Variants in NT5DC3 observed in about 807,000 individuals in gnomAD.
The protein encoded by NT5DC3 is 5'-nucleotidase domain containing 3.
Under a neutral mutation model 67.8 loss-of-function variants are expected in NT5DC3, and 42 were observed. The observed-to-expected ratio is 0.62, with a 90% CI of 0.48 to 0.80. The LOEUF is 0.80. Ranked by LOEUF, NT5DC3 falls within the 30% of genes least tolerant of loss-of-function variation. NT5DC3 has a pLI of 0.00. For missense variants in NT5DC3, 570 were observed against 696.4 expected (o/e 0.82, Z 2.04); for synonymous variants, 237 against 255.6 (o/e 0.93, Z 0.69).
At chr12:103,765,559 C>T (rs1884881612), downstream of NT5DC3, among the ~76,000 whole-genome samples, 1 of 152,198 alleles carries the variant, frequency 6.6e-6, no homozygotes, top group South Asian at 2.1e-4. Context: ...TTGGCATGGC[C>T]ACCTCTAGAG....
chr12:103,812,465 G>A (rs1887074313), intron 2 of NT5DC3, among the ~76,000 whole-genome samples: 2 of 152,174 alleles, frequency 1.3e-5, no homozygotes, highest in South Asian at 4.1e-4. Context: ...CTTAAATCTA[G>A]AGGCTTTTCA....
chr12:103,820,599 T>C (rs1210597855), intron 1 of NT5DC3, among the ~76,000 whole-genome samples: 1 of 152,320 alleles, frequency 6.6e-6, no homozygotes, highest in East Asian at 1.9e-4. Flanking sequence ...AGTACAGGCC[T>C]AGAGCTTGGC....
the NT5DC3 span, chr12:103,763,687 A>G: frequency 1.6e-6 from 2 of 1,272,080 alleles, no homozygotes; most frequent in Non-Finnish European, 2.2e-6. Context: ...TTCAGTGGAG[A>G]TCTTTGTACC....
chr12:103,774,189 A>G lies in NT5DC3; in HGVS notation c.*3640T>C, dbSNP rs1318857729. ...TTGTGATGGCTGCTGCCCTGGACTC[A>G]TCATTGTTCACATAATTCTTAGAAA... On this transcript the variant is annotated 3_prime_UTR_variant, in exon 14 of 14. Transcript: ENST00000392876. The G allele has an allele frequency of 1.3e-5, 2 of 152,260 alleles. No individual in the cohort carries two copies. Among genetic ancestry groups the G allele is most frequent in the African/African-American group, 2.4e-5 (1 of 41,474 alleles). The allele number at this position is 152,260 out of a possible 1,614,324, so 9.4% of individuals were successfully genotyped here.
At chr12:103,787,398 C>T (rs1459461305) in intron 11 of NT5DC3, 43 bp downstream of exon 11, 1 of 944,050 alleles carries the variant, frequency 1.1e-6, no homozygotes, top group Non-Finnish European at 1.6e-6. Flanking sequence ...GTAAGTGAGA[C>T]TAACACATCT....
the NT5DC3 span, among the ~76,000 whole-genome samples, chr12:103,756,061 ATC>A: frequency 6.6e-6 from 1 of 152,172 alleles, no homozygotes; most frequent in African/African-American, 2.4e-5. Context: ...TGGTATTATC[ATC>A]TCTGTTTGTA....
intron 1 of NT5DC3, among the ~76,000 whole-genome samples, chr12:103,817,915 C>T (rs1449871421): frequency 6.6e-6 from 1 of 152,190 alleles, no homozygotes; most frequent in Non-Finnish European, 1.5e-5. Flanking sequence ...CCACCTGAAA[C>T]GTTCAAGAAG....
chr12:103,799,053 A>G (rs570996617), intron 4 of NT5DC3, among the ~76,000 whole-genome samples: 6 of 152,268 alleles, frequency 3.9e-5, no homozygotes, highest in Non-Finnish European at 7.4e-5. Flanking sequence ...AAGCACACCA[A>G]AGTAGGAAGT....
chr12:103,792,273 T>C (rs1487036798), intron 9 of NT5DC3, among the ~76,000 whole-genome samples: 1 of 152,236 alleles, frequency 6.6e-6, no homozygotes, highest in East Asian at 1.9e-4. Flanking sequence ...TGCACATGGT[T>C]CTTGGTTTGC....
At chr12:103,758,398 C>A in the NT5DC3 span, 1 of 1,535,214 alleles carries the variant, frequency 6.5e-7, no homozygotes, top group South Asian at 1.2e-5. Context: ...ATTTATTTAG[C>A]TCACAGATCA....
At chr12:103,781,945 G>A (rs1180323238) in intron 12 of NT5DC3, among the ~76,000 whole-genome samples, 3 of 152,164 alleles carry the variant, frequency 2.0e-5, no homozygotes, top group Non-Finnish European at 4.4e-5. Context: ...GTTTGAGAAA[G>A]ATATTACAAT....
the NT5DC3 span, among the ~76,000 whole-genome samples, chr12:103,750,091 G>C: frequency 6.6e-6 from 1 of 151,864 alleles, no homozygotes; most frequent in Non-Finnish European, 1.5e-5. Context: ...TTGTTGTGGG[G>C]ATTAAAGGAG....
intron 11 of NT5DC3, 48 bp from the exon 12 acceptor site, chr12:103,785,523 A>G: frequency 6.3e-7 from 1 of 1,591,166 alleles, no homozygotes; most frequent in South Asian, 1.1e-5. Flanking sequence ...AACAGAATCT[A>G]AACTATGTCA....
chr12:103,759,464 T>C, the NT5DC3 span, among the ~76,000 whole-genome samples: 1 of 152,162 alleles, frequency 6.6e-6, no homozygotes, highest in African/African-American at 2.4e-5. Context: ...CCTTGGGAAA[T>C]AGGGCAGCCT....
chr12:103,755,274 A>C, the NT5DC3 span: 1 of 1,608,148 alleles, frequency 6.2e-7, no homozygotes, highest in Non-Finnish European at 8.5e-7. Context: ...CTTGCAGCTG[A>C]CCCATGGCCC....
the NT5DC3 span, among the ~76,000 whole-genome samples, chr12:103,759,491 G>A: frequency 3.9e-5 from 6 of 152,208 alleles, no homozygotes; most frequent in African/African-American, 1.2e-4. Context: ...CTGGTTATGG[G>A]GAAGGATAAT....
Position 103,777,830 on chromosome 12 carries a change from T to C in NT5DC3, c.1646A>G (p.Ter549TrpextTer12). Residue 549 changes from the stop codon to tryptophan (W), a stop_lost, in exon 14 of 14, where the codon TAG (stop) becomes TGG (tryptophan). Coordinates refer to ENST00000392876, the MANE Select transcript of NT5DC3 (RefSeq NM_001031701.3). Reference protein sequence around the residue: ...TPLLQEAQAK* With the variant: ...TPLLQEAQAKW ...ACAGTTTCTAGTTTTTGCCCTTGGCTACTTGGCCTGGGCCTCCTGCAGGAG... is the reference window on the plus strand; with the variant it reads ...ACAGTTTCTAGTTTTTGCCCTTGGCCACTTGGCCTGGGCCTCCTGCAGGAG... The C allele has an allele frequency of 1.2e-6, 2 of 1,609,420 alleles. No homozygotes were observed. Among genetic ancestry groups the C allele is most frequent in the Non-Finnish European group, 1.7e-6 (2 of 1,178,058 alleles).
the NT5DC3 span, chr12:103,763,215 C>T: frequency 2.9e-6 from 1 of 346,210 alleles, no homozygotes; most frequent in Non-Finnish European, 5.3e-6. Flanking sequence ...GTGGCAGGCA[C>T]CAGCAGGCTA....
At chr12:103,785,249 A>T in intron 12 of NT5DC3, 86 bp downstream of exon 12, 1 of 1,306,868 alleles carries the variant, frequency 7.7e-7, no homozygotes, top group Non-Finnish European at 1.1e-6. Flanking sequence ...CTCATATTTT[A>T]TAACAATTAA....
Sources: allele counts gnomAD v4.1 joint callset (sites outside exome capture counted in the v4.1 genomes callset), GRCh38; gene constraint gnomAD v4.1.1; transcripts MANE v1.5; gene names NCBI Gene and HGNC (gene_info 2026-07-23, HGNC 2026-07-21).